Variants in SP2 observed in about 807,000 individuals in gnomAD.
The protein encoded by SP2 is transcription factor Sp2.
SP2 carries 9 observed loss-of-function variants against 50.1 expected under a neutral mutation model. The observed-to-expected ratio is 0.18, with a 90% CI of 0.11 to 0.31. The LOEUF (loss-of-function observed/expected upper bound fraction) is 0.31, where lower values mean the gene tolerates loss of function less well. Among genes scored for constraint, SP2 ranks in the 10% least tolerant of loss-of-function variants. The pLI, the probability that SP2 is intolerant of heterozygous loss-of-function variation, is 1.00. For synonymous variants in SP2, 313 were observed against 326.6 expected (o/e 0.96, Z 0.45); for missense variants, 581 against 806.5 (o/e 0.72, Z 3.39).
chr17:47,911,727 C>A (rs944333020), intron 1 of SP2, among the ~76,000 whole-genome samples: 1 of 151,862 alleles, frequency 6.6e-6, no homozygotes, highest in Non-Finnish European at 1.5e-5. Context: ...ATGGCGTGAA[C>A]CCGGGAGGCG....
At chr17:47,912,287 C>A (rs1167419221) in intron 1 of SP2, among the ~76,000 whole-genome samples, 1 of 152,170 alleles carries the variant, frequency 6.6e-6, no homozygotes, top group African/African-American at 2.4e-5. Flanking sequence ...CCCAGAGCTG[C>A]CCTCCAGCTC....
At chr17:47,925,718 C>T (rs2035618583) in intron 6 of SP2, among the ~76,000 whole-genome samples, 177 bp downstream of exon 6, 1 of 152,174 alleles carries the variant, frequency 6.6e-6, no homozygotes, top group Non-Finnish European at 1.5e-5. Flanking sequence ...TCTGTTATCA[C>T]TGTTGTTTCC....
intron 3 of SP2, among the ~76,000 whole-genome samples, chr17:47,921,331 C>A (rs1567700864): frequency 6.6e-6 from 1 of 152,202 alleles, no homozygotes; most frequent in Admixed American, 6.5e-5. Flanking sequence ...TCACTGCAAC[C>A]TCCACCTCCC....
intron 3 of SP2, among the ~76,000 whole-genome samples, chr17:47,921,974 A>G (rs1388275700): frequency 1.3e-5 from 2 of 152,232 alleles, no homozygotes; most frequent in Non-Finnish European, 2.9e-5. Flanking sequence ...ACACATACAC[A>G]TATACACACA....
chr17:47,927,180 G>A (rs1363204982), intron 6 of SP2, among the ~76,000 whole-genome samples: 1 of 152,142 alleles, frequency 6.6e-6, no homozygotes, highest in African/African-American at 2.4e-5. Context: ...GAATGGGAAC[G>A]AAATAGACTG....
intron 1 of SP2, among the ~76,000 whole-genome samples, chr17:47,903,825 G>A (rs1456480412): frequency 2.0e-5 from 3 of 152,028 alleles, no homozygotes; most frequent in South Asian, 2.1e-4. Flanking sequence ...TCAGTCGGGC[G>A]TGGTGGCACA....
chr17:47,899,604 T>G (rs1370561219), intron 1 of SP2: 6 of 152,178 alleles, frequency 3.9e-5, no homozygotes, highest in African/African-American at 1.4e-4. Context: ...GATTCCAAAA[T>G]GGAAAACGGA....
At position 47,928,055 on chromosome 17, in the gene SP2, T is replaced by C; in HGVS notation, c.*231T>C. 1 of 516,876 alleles carries C rather than the reference T, an allele frequency of 1.9e-6. No individual in the cohort carries two copies. The highest frequency in any genetic ancestry group is 2.5e-5 in the South Asian group (1 of 39,218). 32.0% of individuals were successfully genotyped at this position (516,876 alleles called of 1,614,324 possible). A position where few individuals can be genotyped will look rare whatever the true frequency, so the allele number is the denominator to read the frequency against. ...ACGAGCTCCCGGCCTGCCCAGACTG[T>C]GGACACTGGCCGTGCCCAATGAGAC... is the stretch of plus-strand genomic sequence containing the variant. On this transcript the variant is annotated 3_prime_UTR_variant, in exon 7 of 7. Transcript: ENST00000376741.
intron 1 of SP2, among the ~76,000 whole-genome samples, chr17:47,911,232 A>C (rs893482253): frequency 5.3e-5 from 8 of 151,544 alleles, no homozygotes; most frequent in African/African-American, 1.9e-4. Context: ...TTTCTAAATA[A>C]ATAAACAAAC....
intron 3 of SP2, among the ~76,000 whole-genome samples, chr17:47,918,295 TATTTAA>T (rs1473445871): frequency 3.3e-5 from 5 of 152,194 alleles, no homozygotes; most frequent in African/African-American, 1.2e-4. Context: ...CCTTCTGGCA[TATTTAA>T]TGTTGCCAGG....
Position 47,924,975 on chromosome 17 carries a change from C to T in SP2, c.1429C>T (p.Leu477=), listed in dbSNP as rs1185358459. Residue 477 remains leucine (L), a synonymous_variant, in exon 5 of 7, where the codon CTG becomes TTG. Transcript: ENST00000376741. ...TGGGAACAACCTGACCATCAGTGGG[C>T]TGAGCCCCACCCAGATCCAGCTGCA... is the stretch of plus-strand genomic sequence containing the variant. ...VSGNNLTISG[L]SPTQIQLQME... is the part of the protein sequence containing the mutation. 1 of 1,613,876 alleles carries T rather than the reference C, an allele frequency of 6.2e-7. No homozygotes were observed. The highest frequency in any genetic ancestry group is 1.3e-5 in the African/African-American group (1 of 74,946).
At position 47,916,059 on chromosome 17, in the gene SP2, T is replaced by C. The variant is rs1364211026; in HGVS notation, c.85-97T>C. ...TGCCTGCCCCGGAGGTGGGGAAGAC[T>C]GGCGTGGAATGCCGCCAGGAGGAGA... is the stretch of plus-strand genomic sequence containing the variant. On this transcript the variant is annotated intron_variant, in intron 2 of 6. Transcript: ENST00000376741. This position sits in a 1 kb window ranked among gnomAD's most constrained non-coding sequence, Gnocchi z 4.7. 7.0e-6 allele frequency: 10 copies of C among 1,433,048 alleles called. No homozygotes were observed. The Admixed American group carries it at 1.1e-4, about 16-fold the overall frequency. The allele number at this position is 1,433,048 out of a possible 1,614,324, so 88.8% of individuals were successfully genotyped here.
rs540183273 is a variant in SP2 at position 47,905,818 on chromosome 17, G to A, written c.8-9494G>A. Among the ~76,000 whole-genome samples, 25 of 152,300 alleles carry A rather than the reference G, an allele frequency of 1.6e-4. No individual in the cohort carries two copies. In the South Asian group the frequency reaches 4.4e-3, roughly 27 times the overall value. ...TGGGAGGAGGTCAGGAAAGGCTTTC[G>A]CTGAGTGAGAGTATAAATGAGCTCT... On this transcript the variant is annotated intron_variant, in intron 1 of 6. Transcript: ENST00000376741.
chr17:47,924,707 C>G (rs555198161), intron 4 of SP2, among the ~76,000 whole-genome samples: 3 of 152,194 alleles, frequency 2.0e-5, no homozygotes, highest in Admixed American at 6.5e-5. Context: ...GTTTCTTCAT[C>G]TGTAAAGTGC....
chr17:47,931,298 G>A (rs9902511), downstream of SP2, among the ~76,000 whole-genome samples: 1,467 of 152,304 alleles, frequency 9.6e-3, 21 homozygotes, highest in African/African-American at 0.031. Context: ...AGTGAGCCGA[G>A]ATCGTGCCAC....
At chr17:47,918,643 T>C (rs1017502051) in intron 3 of SP2, 59 of 152,268 alleles carry the variant, frequency 3.9e-4, no homozygotes, top group African/African-American at 1.4e-3. Context: ...CACAGCTTTA[T>C]AACATCCCAA....
chr17:47,927,531 CAAAAAA>C (rs61309845), intron 6 of SP2, among the ~76,000 whole-genome samples, 187 bp from the exon 7 acceptor site: 2 of 83,964 alleles, frequency 2.4e-5, no homozygotes, highest in African/African-American at 9.1e-5. Flanking sequence ...GACTCCATCT[CAAAAAA>C]AAAAAAAAAA....
intron 4 of SP2, 47 bp downstream of exon 4, chr17:47,923,321 C>G: frequency 2.7e-6 from 4 of 1,473,396 alleles, no homozygotes; most frequent in Non-Finnish European, 3.7e-6. Context: ...GTACCTGCTC[C>G]TAGCAGGTGG....
intron 1 of SP2, among the ~76,000 whole-genome samples, chr17:47,903,679 A>G (rs1248187762): frequency 6.6e-6 from 1 of 151,038 alleles, no homozygotes; most frequent in Non-Finnish European, 1.5e-5. Flanking sequence ...AGAAGTAGCC[A>G]TGGCCGGCGC....
Sources: allele counts gnomAD v4.1 joint callset (sites outside exome capture counted in the v4.1 genomes callset), GRCh38; gene constraint gnomAD v4.1.1; non-coding constraint Gnocchi (gnomAD v3.1); transcripts MANE v1.5; gene names NCBI Gene and HGNC (gene_info 2026-07-23, HGNC 2026-07-21).